DACH2: variants seen among roughly 807,000 people sequenced by gnomAD.
DACH2 encodes the protein dachshund family transcription factor 2, also known as dachshund homolog 2.
A neutral mutation model predicts 35.8 loss-of-function variants in DACH2; 17 were observed. The observed-to-expected ratio is 0.48, with a 90% CI of 0.33 to 0.71. The LOEUF is 0.71. Ranked by LOEUF, DACH2 falls within the 30% of genes least tolerant of loss-of-function variation. DACH2 has a pLI of 0.02. For missense variants in DACH2, 469 were observed against 472.7 expected, an observed-to-expected ratio of 0.99 and a Z score of 0.07; for synonymous variants, 195 against 177.3, an observed-to-expected ratio of 1.10 and a Z score of -0.79.
At chrX:86,738,882 CT>C (rs893445945) in intron 6 of DACH2, among the ~76,000 whole-genome samples, 2 of 111,011 alleles carry the variant, frequency 1.8e-5, no homozygotes, top group Admixed American at 1.9e-4. Flanking sequence ...AATATGTATA[CT>C]TTTTTTGATA....
intron 1 of DACH2, among the ~76,000 whole-genome samples, chrX:86,330,280 A>T (rs2035188597): frequency 8.9e-6 from 1 of 112,416 alleles, no homozygotes; most frequent in African/African-American, 3.2e-5. Flanking sequence ...TTACATCAAA[A>T]ATCTTGATTA....
intron 1 of DACH2, among the ~76,000 whole-genome samples, chrX:86,253,216 C>T (rs896411218): frequency 2.7e-5 from 3 of 110,847 alleles, no homozygotes; most frequent in Non-Finnish European, 5.7e-5. Context: ...ATATACCTAA[C>T]CAAGGAGGGG....
At chrX:86,440,337 A>T (rs772713238) in intron 2 of DACH2, among the ~76,000 whole-genome samples, 2 of 110,912 alleles carry the variant, frequency 1.8e-5, no homozygotes, top group African/African-American at 3.3e-5. Flanking sequence ...TTTTTGGAAA[A>T]ATTGACTCCT....
intron 6 of DACH2, among the ~76,000 whole-genome samples, chrX:86,732,720 T>C (rs1402740946): frequency 2.7e-5 from 3 of 112,358 alleles, no homozygotes; most frequent in Non-Finnish European, 5.6e-5. Context: ...TGGCACCTAC[T>C]AAGTGCACAG....
At chrX:86,623,069 G>A (rs2148379673) in intron 3 of DACH2, among the ~76,000 whole-genome samples, 1 of 111,569 alleles carries the variant, frequency 9.0e-6, no homozygotes, top group Non-Finnish European at 1.9e-5. Flanking sequence ...GCCCACCTGG[G>A]AAAGACCTCT....
intron 2 of DACH2, among the ~76,000 whole-genome samples, chrX:86,462,878 A>C (rs746954600): frequency 3.6e-5 from 4 of 111,522 alleles, no homozygotes; most frequent in Non-Finnish European, 5.7e-5. Flanking sequence ...GCATCTCTAG[A>C]ATGGCACAAT....
chrX:86,666,409 G>A (rs1219978184), intron 4 of DACH2, among the ~76,000 whole-genome samples: 1 of 111,269 alleles, frequency 9.0e-6, no homozygotes, highest in African/African-American at 3.3e-5. Context: ...CAGGAAAGAT[G>A]TCTCTGCTCT....
At chrX:86,523,723 G>A (rs1412163473) in intron 3 of DACH2, among the ~76,000 whole-genome samples, 2 of 109,630 alleles carry the variant, frequency 1.8e-5, no homozygotes, top group South Asian at 4.0e-4. Flanking sequence ...AGGATAAGTC[G>A]AATCCTAAGT....
intron 5 of DACH2, 124 bp from the exon 6 acceptor site, chrX:86,714,424 G>A: frequency 2.1e-6 from 1 of 466,638 alleles, no homozygotes; most frequent in Non-Finnish European, 3.4e-6. Context: ...AATGGCACAA[G>A]GAGACACTAA....
intron 3 of DACH2, among the ~76,000 whole-genome samples, chrX:86,601,131 C>A (rs944305510): frequency 6.3e-5 from 7 of 111,008 alleles, no homozygotes; most frequent in African/African-American, 2.3e-4. Flanking sequence ...ACCCCAGTGC[C>A]TATTCATGGT....
intron 7 of DACH2, among the ~76,000 whole-genome samples, chrX:86,747,249 A>T (rs1291237997): frequency 1.8e-5 from 2 of 111,874 alleles, no homozygotes; most frequent in African/African-American, 6.5e-5. Context: ...GATTCTATTG[A>T]AACTGTAGAT....
chrX:86,607,143 C>G (rs1464816379), intron 3 of DACH2, among the ~76,000 whole-genome samples: 1 of 111,317 alleles, frequency 9.0e-6, no homozygotes, highest in Non-Finnish European at 1.9e-5. Context: ...ATTTCAATCA[C>G]TCTATGTCTT....
intron 7 of DACH2, among the ~76,000 whole-genome samples, chrX:86,805,509 A>G (rs1254686266): frequency 9.0e-6 from 1 of 110,860 alleles, no homozygotes; most frequent in Non-Finnish European, 1.9e-5. Flanking sequence ...GCTCCTCTTT[A>G]CTTATGCAAA....
At chrX:86,459,894 A>ATTG (rs1259299900) in intron 2 of DACH2, among the ~76,000 whole-genome samples, 2 of 106,627 alleles carry the variant, frequency 1.9e-5, no homozygotes, top group Non-Finnish European at 3.9e-5. Context: ...ATTATTGATT[A>ATTG]CTTATTGCTA....
chrX:86,150,306 AAAAT>A (rs1322909166), intron 1 of DACH2, among the ~76,000 whole-genome samples: 1 of 112,083 alleles, frequency 8.9e-6, no homozygotes, highest in Non-Finnish European at 1.9e-5. Flanking sequence ...TTGCAAAAAT[AAAAT>A]AAAAAACCAA....
At chrX:86,667,083 T>TAAAAAAAAA (rs66948603) in intron 4 of DACH2, among the ~76,000 whole-genome samples, 1 of 55,746 alleles carries the variant, frequency 1.8e-5, no homozygotes, top group Non-Finnish European at 3.0e-5. Flanking sequence ...CCATCTCTAC[T>TAAAAAAAAA]AAAAAAAAAA....
chrX:86,696,601 A>G (rs2041070115), intron 5 of DACH2, among the ~76,000 whole-genome samples: 1 of 111,842 alleles, frequency 8.9e-6, no homozygotes, highest in Admixed American at 9.5e-5. Context: ...TCAGAGTTTG[A>G]GGTCACAGAG....
chrX:86,389,278 T>C (rs1033629475), intron 2 of DACH2, among the ~76,000 whole-genome samples: 5 of 112,315 alleles, frequency 4.5e-5, no homozygotes, highest in Non-Finnish European at 9.4e-5. Flanking sequence ...TTCTTTTAAA[T>C]GATCAGTTAT....
intron 3 of DACH2, among the ~76,000 whole-genome samples, chrX:86,588,362 A>G (rs1306806723): frequency 3.6e-5 from 4 of 111,474 alleles, no homozygotes; most frequent in East Asian, 2.8e-4. Flanking sequence ...ATTGGGTTCA[A>G]TATGAATTTT....
Sources: gnomAD v4.1 joint callset for allele counts (sites outside exome capture counted in the v4.1 genomes callset) on GRCh38, gnomAD v4.1.1 for gene constraint, MANE v1.5 for transcripts, NCBI Gene and HGNC (gene_info 2026-07-23, HGNC 2026-07-21) for gene names.